The following GMNN variants were observed in gnomAD, a reference collection of about 807,000 sequenced individuals.
GMNN encodes the protein geminin DNA replication inhibitor, also known as geminin.
Under a neutral mutation model 20.9 loss-of-function variants are expected in GMNN, and 14 were observed. The ratio of observed to expected loss-of-function variants is 0.67; its 90% confidence interval spans 0.44 to 1.05. GMNN has a LOEUF of 1.05. GMNN is among the 50% of genes least tolerant of loss of function. GMNN has a pLI of 0.00. For synonymous variants in GMNN, 81 were observed against 85.8 expected, an observed-to-expected ratio of 0.94 and a Z score of 0.31; for missense variants, 227 against 243.8, an observed-to-expected ratio of 0.93 and a Z score of 0.46.
At position 24,775,093 on chromosome 6, in the gene GMNN, G is replaced by A. The variant is rs1243868533; in HGVS notation, c.-177G>A. Reference sequence around the variant, plus strand: ...CCATAGCTACGTGCGTTCGCTACGAGGATTGAGCGTCTCCACCCAGTAAGT... The same window carrying A: ...CCATAGCTACGTGCGTTCGCTACGAAGATTGAGCGTCTCCACCCAGTAAGT... On this transcript the variant is annotated 5_prime_UTR_variant, in exon 1 of 7. Coordinates refer to ENST00000230056, the MANE Select transcript of GMNN (RefSeq NM_015895.5). The A allele has an allele frequency of 2.0e-5, 3 of 152,480 alleles. No individual in the cohort carries two copies. Among genetic ancestry groups the A allele is most frequent in the East Asian group, 1.9e-4 (1 of 5,208 alleles). 9.4% of individuals were successfully genotyped at this position (152,480 alleles called of 1,614,324 possible).
chr6:24,784,871 T>A (rs1208732542), intron 6 of GMNN, among the ~76,000 whole-genome samples: 3 of 152,140 alleles, frequency 2.0e-5, no homozygotes, highest in Admixed American at 1.3e-4. Context: ...TAATTATTGT[T>A]ATGAAGCAAA....
chr6:24,783,310 A>C (rs1780265521), intron 4 of GMNN, among the ~76,000 whole-genome samples: 1 of 152,188 alleles, frequency 6.6e-6, no homozygotes. Flanking sequence ...TTTCTTTTAA[A>C]TTGGGGTAGG....
chr6:24,776,561 T>C (rs1437973696), intron 1 of GMNN, among the ~76,000 whole-genome samples: 2 of 152,210 alleles, frequency 1.3e-5, no homozygotes, highest in Non-Finnish European at 2.9e-5. Flanking sequence ...TAGGGACATC[T>C]ATCGACGAGG....
chr6:24,775,699 G>C (rs1011237987), intron 1 of GMNN: 8 of 152,226 alleles, frequency 5.3e-5, no homozygotes, highest in African/African-American at 1.9e-4. Context: ...TCCTGTGCCA[G>C]GGTTTTTAAT....
intron 4 of GMNN, among the ~76,000 whole-genome samples, chr6:24,782,833 A>G (rs1780252404): frequency 6.6e-6 from 1 of 151,620 alleles, no homozygotes; most frequent in South Asian, 2.1e-4. Flanking sequence ...ACTTTATTAC[A>G]TTTGTTGTTT....
intron 4 of GMNN, among the ~76,000 whole-genome samples, chr6:24,783,034 A>T (rs562039842): frequency 6.6e-6 from 1 of 152,336 alleles, no homozygotes; most frequent in African/African-American, 2.4e-5. Context: ...TTCTTGGTTT[A>T]TAAACACTAT....
At chr6:24,781,367 G>A (rs1242624955) in intron 3 of GMNN, 110 bp from the exon 4 acceptor site, 1 of 575,708 alleles carries the variant, frequency 1.7e-6, no homozygotes, top group Non-Finnish European at 3.1e-6. Context: ...ATCCAGAGAT[G>A]TGAAAAAGTT....
chr6:24,785,492 A>G (rs1780328927), intron 6 of GMNN, 146 bp from the exon 7 acceptor site: 2 of 491,818 alleles, frequency 4.1e-6, no homozygotes, highest in Non-Finnish European at 7.1e-6. Flanking sequence ...TTGATATAAT[A>G]CTGTTTATAA....
At position 24,786,004 on chromosome 6, in the gene GMNN, G is replaced by A. The variant is rs1186469791; in HGVS notation, c.*205G>A. On this transcript the variant is annotated 3_prime_UTR_variant, in exon 7 of 7. Coordinates refer to ENST00000230056, the MANE Select transcript of GMNN (RefSeq NM_015895.5). Reference sequence around the variant, plus strand: ...GTGAATAGGATTTTCTCAGTTGTCAGCCATGACTTATGTTTATTACTAAAT... The same window carrying A: ...GTGAATAGGATTTTCTCAGTTGTCAACCATGACTTATGTTTATTACTAAAT... 3 of 453,020 alleles carry A rather than the reference G, an allele frequency of 6.6e-6. No individual in the cohort carries two copies. Among genetic ancestry groups the A allele is most frequent in the Non-Finnish European group, 1.2e-5 (3 of 259,458 alleles). The allele number at this position is 453,020 out of a possible 1,614,324, so 28.1% of individuals were successfully genotyped here.
intron 4 of GMNN, among the ~76,000 whole-genome samples, chr6:24,782,938 G>A (rs926942847): frequency 1.8e-4 from 27 of 151,116 alleles, no homozygotes; most frequent in African/African-American, 6.1e-4. Context: ...TGAATAACAT[G>A]TTGAAGTATT....
intron 3 of GMNN, among the ~76,000 whole-genome samples, chr6:24,781,175 G>T (rs774866486): frequency 2.0e-5 from 3 of 152,090 alleles, no homozygotes; most frequent in Non-Finnish European, 2.9e-5. Flanking sequence ...CTGCACTCCA[G>T]CTTGGGTGAC....
chr6:24,783,472 TGGA>T (rs1441944662), intron 4 of GMNN, among the ~76,000 whole-genome samples: 1 of 152,120 alleles, frequency 6.6e-6, no homozygotes, highest in Non-Finnish European at 1.5e-5. Flanking sequence ...AAAAAGTTGT[TGGA>T]GGACAGGGTA....
At chr6:24,784,372 A>C in intron 5 of GMNN, 72 bp from the exon 6 acceptor site, 1 of 772,098 alleles carries the variant, frequency 1.3e-6, no homozygotes, top group East Asian at 2.4e-5. Context: ...CATGTTATAT[A>C]CTTGGAGGTA....
rs562408220 is a variant in GMNN at position 24,785,704 on chromosome 6, GA to G, written c.538del (p.Thr180LeufsTer6). 1.8e-5 allele frequency: 28 copies of G among 1,564,606 alleles called. No homozygotes were observed. In the South Asian group the frequency reaches 3.2e-4, roughly 18 times the overall value. On this transcript the variant is annotated frameshift_variant, in exon 7 of 7. Transcript: ENST00000230056. LOFTEE classifies it low-confidence loss of function (END_TRUNC). ...LDNQEFDSEE[E>X]TVEDSLVEDS... The stretch of plus-strand genomic sequence containing the variant: ...TAATCAGGAATTTGATTCTGAAGAA[GA>G]AACTGTTGAGGATTCTCTAGTGGAA...
At chr6:24,776,525 C>G (rs1780074880) in intron 1 of GMNN, among the ~76,000 whole-genome samples, 1 of 152,178 alleles carries the variant, frequency 6.6e-6, no homozygotes, top group Admixed American at 6.5e-5. Flanking sequence ...AGCCACTGCA[C>G]TGAGTAAAGG....
chr6:24,776,438 C>A (rs1459851819), intron 1 of GMNN, among the ~76,000 whole-genome samples: 1 of 152,230 alleles, frequency 6.6e-6, no homozygotes, highest in Non-Finnish European at 1.5e-5. Flanking sequence ...CCACCACGCC[C>A]GGCCTTTCCT....
intron 2 of GMNN, among the ~76,000 whole-genome samples, chr6:24,779,840 T>G (rs942708140): frequency 1.3e-5 from 2 of 152,228 alleles, no homozygotes; most frequent in South Asian, 2.1e-4. Context: ...AAACAATAGC[T>G]TGGGCATTTT....
intron 5 of GMNN, 121 bp from the exon 6 acceptor site, chr6:24,784,323 C>T: frequency 2.9e-6 from 2 of 680,946 alleles, no homozygotes; most frequent in Middle Eastern, 3.6e-4. Flanking sequence ...CAAAATGAAT[C>T]CCGTTGTGTT....
intron 4 of GMNN, 43 bp from the exon 5 acceptor site, chr6:24,784,044 G>A: frequency 1.1e-6 from 1 of 886,702 alleles, no homozygotes. Context: ...ACTGGGTTTT[G>A]ACAGTAATGA....
Sources: allele counts gnomAD v4.1 joint callset (sites outside exome capture counted in the v4.1 genomes callset), GRCh38; gene constraint gnomAD v4.1.1; transcripts MANE v1.5; gene names NCBI Gene and HGNC (gene_info 2026-07-23, HGNC 2026-07-21).